The following SMIM10L3 variants were observed in gnomAD, a reference collection of about 807,000 sequenced individuals.
SMIM10L3 encodes the protein salivary gland specific protein SAGSIN1.
the SMIM10L3 span, among the ~76,000 whole-genome samples, chr7:6,332,059 C>T: frequency 6.6e-6 from 1 of 150,452 alleles, no homozygotes; most frequent in Non-Finnish European, 1.5e-5. Flanking sequence ...TAGCTGTGAG[C>T]CGAGATCATG....
chr7:6,344,174 G>T, the SMIM10L3 span, among the ~76,000 whole-genome samples: 15 of 151,064 alleles, frequency 9.9e-5, no homozygotes, highest in Non-Finnish European at 2.2e-4. Context: ...GCGTGGGGCT[G>T]TCCCCCTTAT....
the SMIM10L3 span, among the ~76,000 whole-genome samples, chr7:6,340,705 C>G: frequency 6.6e-6 from 1 of 151,902 alleles, no homozygotes; most frequent in African/African-American, 2.4e-5. Flanking sequence ...CGAGACCATC[C>G]TGGCTAACAC....
the SMIM10L3 span, among the ~76,000 whole-genome samples, chr7:6,332,113 GAA>G: frequency 0.017 from 2,157 of 129,086 alleles, 49 homozygotes; most frequent in African/African-American, 0.056. Flanking sequence ...CCATCTCACG[GAA>G]AAAAAAAAAA....
chr7:6,340,172 A>C, the SMIM10L3 span, among the ~76,000 whole-genome samples: 1 of 152,214 alleles, frequency 6.6e-6, no homozygotes, highest in East Asian at 1.9e-4. Context: ...GGCATGAGCT[A>C]CCGCGCCCGG....
At chr7:6,348,082 G>A in the SMIM10L3 span, among the ~76,000 whole-genome samples, 1 of 150,298 alleles carries the variant, frequency 6.7e-6, no homozygotes, top group African/African-American at 2.4e-5. Flanking sequence ...GGCTAATTCT[G>A]TATTTTTAGT....
chr7:6,345,517 G>A, the SMIM10L3 span, among the ~76,000 whole-genome samples: 4 of 152,152 alleles, frequency 2.6e-5, no homozygotes, highest in Non-Finnish European at 4.4e-5. Context: ...AGACTAGAGA[G>A]GTGGTTATAA....
the SMIM10L3 span, chr7:6,330,367 C>T: frequency 6.2e-7 from 1 of 1,604,974 alleles, no homozygotes; most frequent in South Asian, 1.1e-5. Context: ...TATTGTTCTG[C>T]TTGTACCTTA....
chr7:6,330,323 C>A, the SMIM10L3 span: 7 of 1,511,868 alleles, frequency 4.6e-6, no homozygotes, highest in South Asian at 1.3e-5. Context: ...CGAAAGAAAT[C>A]ATTCTAAGAC....
chr7:6,335,056 C>T, the SMIM10L3 span, among the ~76,000 whole-genome samples: 1 of 151,856 alleles, frequency 6.6e-6, no homozygotes, highest in Non-Finnish European at 1.5e-5. Flanking sequence ...TGTGAGCCAC[C>T]GCACCCAGCC....
chr7:6,330,616 C>T, the SMIM10L3 span: 1 of 1,613,982 alleles, frequency 6.2e-7, no homozygotes, highest in African/African-American at 1.3e-5. Context: ...CAACTCAGAG[C>T]CCAGACCCTT....
At chr7:6,335,338 TC>T in the SMIM10L3 span, among the ~76,000 whole-genome samples, 1 of 151,934 alleles carries the variant, frequency 6.6e-6, no homozygotes, top group South Asian at 2.1e-4. Flanking sequence ...TTCTCCTGCC[TC>T]AACCTCCTGA....
At chr7:6,348,680 C>T in the SMIM10L3 span, 7 of 489,428 alleles carry the variant, frequency 1.4e-5, no homozygotes, top group Middle Eastern at 1.6e-3. Context: ...CGAGTCAGCC[C>T]CTTGCAGAAG....
chr7:6,348,693 C>G, the SMIM10L3 span: 1 of 450,968 alleles, frequency 2.2e-6, no homozygotes, highest in Non-Finnish European at 3.9e-6. Context: ...TGCAGAAGAC[C>G]CCATAGGAGC....
At chr7:6,335,313 C>A in the SMIM10L3 span, among the ~76,000 whole-genome samples, 1 of 151,838 alleles carries the variant, frequency 6.6e-6, no homozygotes, top group Non-Finnish European at 1.5e-5. Context: ...ACCTCTGCCT[C>A]CTGGGTTCAA....
the SMIM10L3 span, chr7:6,330,602 GT>G: frequency 6.2e-7 from 1 of 1,614,168 alleles, no homozygotes; most frequent in Non-Finnish European, 8.5e-7. Flanking sequence ...AGGCAAGCGG[GT>G]TCCAACTCAG....
the SMIM10L3 span, among the ~76,000 whole-genome samples, chr7:6,336,692 A>C: frequency 6.6e-6 from 1 of 152,188 alleles, no homozygotes; most frequent in East Asian, 1.9e-4. Context: ...CAAAAAAAAA[A>C]AAAAAAGCTG....
the SMIM10L3 span, chr7:6,330,826 G>A: frequency 1.9e-6 from 3 of 1,614,200 alleles, no homozygotes; most frequent in Non-Finnish European, 8.5e-7. Flanking sequence ...ACACTCTGTT[G>A]GAGCAGGGAA....
At chr7:6,347,571 T>C in the SMIM10L3 span, among the ~76,000 whole-genome samples, 1 of 151,860 alleles carries the variant, frequency 6.6e-6, no homozygotes, top group South Asian at 2.1e-4. Context: ...TCCAGGGTGC[T>C]GGGGTGTGAG....
chr7:6,331,087 G>A, the SMIM10L3 span: 16 of 1,613,350 alleles, frequency 9.9e-6, no homozygotes, highest in Admixed American at 3.3e-5. Context: ...TAGTTTGTCC[G>A]AGTCACCTCC....
Sources: gnomAD v4.1 joint callset for allele counts (sites outside exome capture counted in the v4.1 genomes callset) on GRCh38, gnomAD v4.1.1 for gene constraint, MANE v1.5 for transcripts, NCBI Gene and HGNC (gene_info 2026-07-23, HGNC 2026-07-21) for gene names.